Variants in NRXN2 observed in about 807,000 individuals in gnomAD.
NRXN2 encodes neurexin-2-beta.
NRXN2 carries 29 observed loss-of-function variants against 128.8 expected under a neutral mutation model. The ratio of observed to expected loss-of-function variants is 0.23; its 90% CI spans 0.17 to 0.31. NRXN2 has a LOEUF of 0.31. Among genes scored for constraint, NRXN2 ranks in the 10% least tolerant of loss-of-function variants. The pLI is 1.00. For missense variants in NRXN2, 1,881 were observed against 2,452.6 expected, an observed-to-expected ratio of 0.77 and a Z score of 4.92; for synonymous variants, 1,098 against 1,075.2, an observed-to-expected ratio of 1.02 and a Z score of -0.41.
intron 11 of NRXN2, among the ~76,000 whole-genome samples, chr11:64,655,041 C>T (rs2048047131): frequency 1.3e-5 from 2 of 152,220 alleles, no homozygotes; most frequent in African/African-American, 4.8e-5. Flanking sequence ...ATACCCTGGC[C>T]TCCTGTCGCT....
At chr11:64,704,778 G>A (rs2135639915) in intron 2 of NRXN2, among the ~76,000 whole-genome samples, 1 of 152,080 alleles carries the variant, frequency 6.6e-6, no homozygotes, top group Non-Finnish European at 1.5e-5. Flanking sequence ...TCTCAGGCAG[G>A]GACAAACCTC....
At chr11:64,645,850 T>C (rs1036774175) in intron 17 of NRXN2, among the ~76,000 whole-genome samples, 3 of 152,102 alleles carry the variant, frequency 2.0e-5, no homozygotes, top group African/African-American at 7.2e-5. Flanking sequence ...ACCTTTGCCA[T>C]TTCTACCCTC....
intron 21 of NRXN2, among the ~76,000 whole-genome samples, chr11:64,621,547 C>T (rs2042352854): frequency 6.6e-6 from 1 of 152,182 alleles, no homozygotes; most frequent in African/African-American, 2.4e-5. Context: ...CCCAGGCTTC[C>T]TGCAGCACAG....
At position 64,667,162 on chromosome 11, in the gene NRXN2, G is replaced by GT; in HGVS notation, c.1798+87_1798+88insA. 7.5e-7 allele frequency: 1 copy of GT among 1,336,572 alleles called. No individual in the cohort carries two copies. Among genetic ancestry groups the GT allele is most frequent in the Non-Finnish European group, 1.1e-6 (1 of 942,336 alleles). The allele number at this position is 1,336,572 out of a possible 1,614,324, so 82.8% of individuals were successfully genotyped here. On this transcript the variant is annotated intron_variant, in intron 9 of 22. Transcript: ENST00000265459. The surrounding 1 kb of genome is among the most constrained non-coding windows in gnomAD (Gnocchi z 5.6). The stretch of plus-strand genomic sequence containing the variant: ...GAAGAATATAGGAAATGGTGTAGAA[G>GT]AGACCCGCTGAAGAGAGACGGAGAG...
chr11:64,638,524 C>A lies in NRXN2; in HGVS notation c.3404-3072G>T, dbSNP rs558964037. 1.1e-3 allele frequency among the ~76,000 whole-genome samples: 172 copies of A among 152,246 alleles called. 4 individuals are homozygous for A. The South Asian group carries it at 0.035, about 31-fold the overall frequency. ...TCTCACCCCGGCAAGCTGTCCTCGG[C>A]CCTGCCCACGGACTCCCCCAGGGAA... On this transcript the variant is annotated intron_variant, in intron 17 of 22. Transcript: ENST00000265459.
intron 2 of NRXN2, chr11:64,712,610 C>A (rs2057040029): frequency 2.2e-6 from 1 of 456,438 alleles, no homozygotes; most frequent in African/African-American, 2.0e-5. Flanking sequence ...CACGCAGACC[C>A]CCACCCACAA....
At chr11:64,629,053 GT>G (rs2043488304) in intron 19 of NRXN2, among the ~76,000 whole-genome samples, 1 of 152,202 alleles carries the variant, frequency 6.6e-6, no homozygotes, top group South Asian at 2.1e-4. Flanking sequence ...ACAAGCCTGC[GT>G]AATTGGTGTC....
At chr11:64,633,278 C>G (rs1297691287) in intron 18 of NRXN2, among the ~76,000 whole-genome samples, 1 of 152,216 alleles carries the variant, frequency 6.6e-6, no homozygotes, top group African/African-American at 2.4e-5. Flanking sequence ...CTAACAGGCA[C>G]AGAGGCCCAC....
intron 21 of NRXN2, 83 bp from the exon 22 acceptor site, chr11:64,620,455 G>T: frequency 1.8e-6 from 2 of 1,102,264 alleles, no homozygotes; most frequent in Non-Finnish European, 2.7e-6. Flanking sequence ...GGTGCACGGT[G>T]GCACGGGGGA....
chr11:64,670,353 A>G (rs1461394423), intron 7 of NRXN2, among the ~76,000 whole-genome samples: 1 of 152,068 alleles, frequency 6.6e-6, no homozygotes, highest in Non-Finnish European at 1.5e-5. Flanking sequence ...GTCTGGGTAG[A>G]AGAGGGAAGG....
At chr11:64,658,039 G>T (rs1383321962) in intron 11 of NRXN2, among the ~76,000 whole-genome samples, 1 of 152,152 alleles carries the variant, frequency 6.6e-6, no homozygotes, top group Non-Finnish European at 1.5e-5. Flanking sequence ...AGAGGAGAGG[G>T]TGGGTCCCAA....
At chr11:64,621,127 A>G (rs1224699602) in intron 21 of NRXN2, among the ~76,000 whole-genome samples, 1 of 152,114 alleles carries the variant, frequency 6.6e-6, no homozygotes, top group Non-Finnish European at 1.5e-5. Context: ...TGAAAGGGTC[A>G]TAACCTGCCT....
chr11:64,642,117 C>A (rs1248294043), intron 17 of NRXN2, among the ~76,000 whole-genome samples: 1 of 151,132 alleles, frequency 6.6e-6, no homozygotes, highest in African/African-American at 2.4e-5. Flanking sequence ...GAGGGTGAGG[C>A]AGAGGTGGAG....
intron 22 of NRXN2, among the ~76,000 whole-genome samples, chr11:64,613,814 G>A (rs1159767034): frequency 2.0e-5 from 3 of 152,188 alleles, no homozygotes; most frequent in Non-Finnish European, 4.4e-5. Flanking sequence ...GAAGGCACTC[G>A]TGACAATCCA....
At chr11:64,678,715 G>T (rs2051716654) in intron 6 of NRXN2, among the ~76,000 whole-genome samples, 1 of 151,960 alleles carries the variant, frequency 6.6e-6, no homozygotes, top group Non-Finnish European at 1.5e-5. Context: ...AGGCACTGAG[G>T]CAGCTTTAAT....
Position 64,660,250 on chromosome 11 carries a change from A to G in NRXN2, c.2389+82T>C. 2.0e-6 allele frequency: 3 copies of G among 1,508,684 alleles called. No homozygotes were observed. Among genetic ancestry groups the G allele is most frequent in the Non-Finnish European group, 2.8e-6 (3 of 1,086,474 alleles). 93.5% of individuals were successfully genotyped at this position (1,508,684 alleles called of 1,614,324 possible). A position where few individuals can be genotyped will look rare whatever the true frequency, so the allele number is the denominator to read the frequency against. On this transcript the variant is annotated intron_variant, in intron 11 of 22. Transcript: ENST00000265459. The surrounding 1 kb of genome is among the most constrained non-coding windows in gnomAD (Gnocchi z 5.2). ...GAGGGCACCTCTTGCTGGTGCCACC[A>G]CCAGCTTCTCCAGACAGAGGCAGGT...
At chr11:64,691,258 G>A (rs1181755220) in intron 4 of NRXN2, among the ~76,000 whole-genome samples, 1 of 152,224 alleles carries the variant, frequency 6.6e-6, no homozygotes. Context: ...ATGTGGGCAA[G>A]CCCTTTCTCA....
chr11:64,696,012 C>T lies in NRXN2; in HGVS notation c.748+1763G>A, dbSNP rs576319426. On this transcript the variant is annotated intron_variant, in intron 3 of 22. Coordinates refer to ENST00000265459, the MANE Select transcript of NRXN2 (RefSeq NM_015080.4). Reference sequence around the variant, plus strand: ...AGCTGTTCCCCGTTCCTGCCCCACCCCCTACAGCTTGAGGCTTGAGTCTTT... The same window carrying T: ...AGCTGTTCCCCGTTCCTGCCCCACCTCCTACAGCTTGAGGCTTGAGTCTTT... Among the ~76,000 whole-genome samples, 39 of 152,004 alleles carry T rather than the reference C, an allele frequency of 2.6e-4. 1 individual carries two copies. The South Asian group carries it at 8.1e-3, about 32-fold the overall frequency.
chr11:64,644,642 G>T (rs527894253), intron 17 of NRXN2, among the ~76,000 whole-genome samples: 1 of 145,508 alleles, frequency 6.9e-6, no homozygotes, highest in Admixed American at 6.8e-5. Flanking sequence ...TGCTCGGACA[G>T]GGGAGAGGGT....
Sources: gnomAD v4.1 joint callset for allele counts (sites outside exome capture counted in the v4.1 genomes callset) on GRCh38, gnomAD v4.1.1 for gene constraint, Gnocchi (gnomAD v3.1) non-coding constraint, MANE v1.5 for transcripts, NCBI Gene and HGNC (gene_info 2026-07-23, HGNC 2026-07-21) for gene names.